Variants in FOXN3 observed in about 807,000 individuals in gnomAD.
FOXN3 encodes forkhead box N3.
A neutral mutation model predicts 38.4 loss-of-function variants in FOXN3; 7 were observed. That is an observed-to-expected ratio of 0.18 (90% confidence interval 0.10 to 0.34). The LOEUF is 0.34. FOXN3 is among the 10% of genes least tolerant of loss of function. FOXN3 has a pLI of 1.00. For missense variants in FOXN3, 456 were observed against 613.4 expected (o/e 0.74, Z 2.71); for synonymous variants, 230 against 242.2 (o/e 0.95, Z 0.47).
At chr14:89,236,502 G>A (rs1018473985) in intron 4 of FOXN3, among the ~76,000 whole-genome samples, 3 of 152,098 alleles carry the variant, frequency 2.0e-5, no homozygotes, top group Admixed American at 6.5e-5. Flanking sequence ...GCAACAGAGC[G>A]AGACTCTGTC....
intron 1 of FOXN3, among the ~76,000 whole-genome samples, chr14:89,497,494 C>T (rs1175903460): frequency 6.6e-6 from 1 of 151,018 alleles, no homozygotes; most frequent in Non-Finnish European, 1.5e-5. Context: ...ACAACCTCTG[C>T]CTCCCAGGTT....
At chr14:89,523,470 G>A (rs1458211266) in intron 1 of FOXN3, among the ~76,000 whole-genome samples, 1 of 152,214 alleles carries the variant, frequency 6.6e-6, no homozygotes, top group Non-Finnish European at 1.5e-5. Context: ...ATCAATAAAT[G>A]TGAAAAGGTT....
chr14:89,232,844 G>A lies in FOXN3; in HGVS notation c.745+48106C>T, dbSNP rs117062960. Among the ~76,000 whole-genome samples, 459 of 152,290 alleles carry A rather than the reference G, an allele frequency of 3.0e-3. 2 individuals carry two copies. The highest frequency in any genetic ancestry group is 0.014 in the South Asian group (69 of 4,820). ...ATGATAATTTCATAATGCTGCTAAAGCCACTTCTGCCATTTCAAAATGGCA... is the reference window on the plus strand; with the variant it reads ...ATGATAATTTCATAATGCTGCTAAAACCACTTCTGCCATTTCAAAATGGCA... On this transcript the variant is annotated intron_variant, in intron 4 of 5. Coordinates refer to ENST00000557258, the MANE Select transcript of FOXN3 (RefSeq NM_005197.4).
intron 1 of FOXN3, among the ~76,000 whole-genome samples, chr14:89,527,024 G>C (rs942795540): frequency 6.6e-6 from 1 of 151,344 alleles, no homozygotes; most frequent in African/African-American, 2.4e-5. Flanking sequence ...TTATTTTATT[G>C]AGGACAGGAA....
At chr14:89,291,956 T>C (rs1886886290) in intron 3 of FOXN3, among the ~76,000 whole-genome samples, 1 of 152,118 alleles carries the variant, frequency 6.6e-6, no homozygotes. Flanking sequence ...TTGCTGTGTG[T>C]CCACTGGGGA....
chr14:89,537,080 G>A (rs764877307), intron 1 of FOXN3, among the ~76,000 whole-genome samples: 4 of 152,176 alleles, frequency 2.6e-5, no homozygotes, highest in Admixed American at 1.3e-4. Flanking sequence ...ACCTGGACAC[G>A]CTTCTAACAA....
chr14:89,363,554 C>A (rs1889964796), intron 2 of FOXN3, among the ~76,000 whole-genome samples: 1 of 152,220 alleles, frequency 6.6e-6, no homozygotes, highest in Admixed American at 6.5e-5. Flanking sequence ...ATCTCTTCAT[C>A]TGTATATTGG....
intron 1 of FOXN3, among the ~76,000 whole-genome samples, chr14:89,615,550 T>C (rs1896479662): frequency 6.6e-6 from 1 of 152,160 alleles, no homozygotes. Context: ...AGCCAACTAT[T>C]TGCAAGACAA....
chr14:89,364,186 G>T (rs756954167), intron 2 of FOXN3, among the ~76,000 whole-genome samples: 1 of 149,666 alleles, frequency 6.7e-6, no homozygotes. Flanking sequence ...TGATTACAAA[G>T]AATTTTTTTC....
chr14:89,291,391 A>G (rs1255762096), intron 3 of FOXN3: 2 of 602,498 alleles, frequency 3.3e-6, no homozygotes, highest in Non-Finnish European at 6.5e-6. Context: ...CCATGTCACC[A>G]GCAAGGATGC....
In FOXN3 at chr14:89,592,492, GA is replaced by G. The variant is rs566633026; in HGVS notation, c.-15+26535del. On this transcript the variant is annotated intron_variant, in intron 1 of 6. Transcript: ENST00000345097. ...ATTAAAATTCTAAAAGCTTCCAGAGGAAAAAAAATCTGTTCACATAGAAAAG... is the reference window on the plus strand; with the variant it reads ...ATTAAAATTCTAAAAGCTTCCAGAGGAAAAAAATCTGTTCACATAGAAAAG... Among the ~76,000 whole-genome samples, 1,053 of 151,840 alleles carry G rather than the reference GA, an allele frequency of 6.9e-3. 16 individuals carry two copies. The highest frequency in any genetic ancestry group is 0.024 in the African/African-American group (1,004 of 41,434).
chr14:89,606,798 A>G (rs982806371), intron 1 of FOXN3, among the ~76,000 whole-genome samples: 1 of 152,140 alleles, frequency 6.6e-6, no homozygotes, highest in African/African-American at 2.4e-5. Flanking sequence ...CAGTGAGCGG[A>G]GATTGCACCA....
chr14:89,390,028 T>C (rs4904563), intron 2 of FOXN3, among the ~76,000 whole-genome samples: 1 of 151,690 alleles, frequency 6.6e-6, no homozygotes, highest in Non-Finnish European at 1.5e-5. Context: ...GAGACCAGCC[T>C]GGGCAACACA....
At chr14:89,618,004 T>C (rs1192277821) in intron 1 of FOXN3, among the ~76,000 whole-genome samples, 1 of 152,114 alleles carries the variant, frequency 6.6e-6, no homozygotes, top group Non-Finnish European at 1.5e-5. Context: ...CGGCGATCAA[T>C]GAAAAACAGG....
chr14:89,294,438 T>C (rs1886974413), intron 3 of FOXN3, among the ~76,000 whole-genome samples: 1 of 151,986 alleles, frequency 6.6e-6, no homozygotes. Flanking sequence ...GCTACAGAAG[T>C]GTGAATGTGC....
chr14:89,335,077 T>TCTCACA (rs1404371582), intron 3 of FOXN3, among the ~76,000 whole-genome samples: 51 of 139,440 alleles, frequency 3.7e-4, no homozygotes, highest in African/African-American at 1.2e-3. Context: ...TATTTTCATA[T>TCTCACA]CACACACACA....
At chr14:89,352,816 G>A (rs910260012) in intron 2 of FOXN3, among the ~76,000 whole-genome samples, 2 of 152,106 alleles carry the variant, frequency 1.3e-5, no homozygotes, top group African/African-American at 2.4e-5. Context: ...AGCCAAGAAC[G>A]TGGTTTCTCC....
intron 1 of FOXN3, among the ~76,000 whole-genome samples, chr14:89,579,804 C>G (rs1023881969): frequency 2.6e-5 from 4 of 152,198 alleles, no homozygotes; most frequent in African/African-American, 7.2e-5. Context: ...TCTCACACCC[C>G]ATAGTATCTT....
chr14:89,559,835 G>A (rs1436097195), intron 1 of FOXN3, among the ~76,000 whole-genome samples: 2 of 151,986 alleles, frequency 1.3e-5, no homozygotes, highest in South Asian at 2.1e-4. Context: ...GCAATAGCTG[G>A]GGACACAGAG....
Sources: allele counts gnomAD v4.1 joint callset (sites outside exome capture counted in the v4.1 genomes callset), GRCh38; gene constraint gnomAD v4.1.1; transcripts MANE v1.5; gene names NCBI Gene and HGNC (gene_info 2026-07-23, HGNC 2026-07-21).